Variants in MYO5C observed in about 807,000 individuals in gnomAD.
The protein encoded by MYO5C is myosin VC, also known as unconventional myosin-Vc.
Under a neutral mutation model 235.7 loss-of-function variants are expected in MYO5C, and 194 were observed. The ratio of observed to expected loss-of-function variants is 0.82; its 90% CI spans 0.73 to 0.93. The LOEUF (loss-of-function observed/expected upper bound fraction) is 0.93. Among genes scored for constraint, MYO5C ranks in the 40% least tolerant of loss-of-function variants. The pLI is 0.00. For missense variants in MYO5C, 2,038 were observed against 2,127.2 expected (o/e 0.96, Z 0.82); for synonymous variants, 707 against 754.8 (o/e 0.94, Z 1.04).
chr15:52,279,072 A>C (rs1449614955), intron 3 of MYO5C, 55 bp from the exon 4 acceptor site: 2 of 1,491,430 alleles, frequency 1.3e-6, no homozygotes, highest in African/African-American at 2.9e-5. Flanking sequence ...CTGCATCTCC[A>C]GTTTTTTTTT....
intron 4 of MYO5C, among the ~76,000 whole-genome samples, chr15:52,278,555 TA>T (rs1314691871): frequency 2.7e-5 from 4 of 150,556 alleles, no homozygotes; most frequent in African/African-American, 9.8e-5. Context: ...AAAAAAAGCT[TA>T]AACGTCTCAT....
chr15:52,222,608 G>C (rs1032729216), intron 29 of MYO5C, among the ~76,000 whole-genome samples: 6 of 151,050 alleles, frequency 4.0e-5, no homozygotes, highest in Admixed American at 6.6e-5. Context: ...GCCAGTGGTG[G>C]GGACACACGA....
chr15:52,210,970 T>A (rs1425489616), intron 35 of MYO5C, among the ~76,000 whole-genome samples: 3 of 152,242 alleles, frequency 2.0e-5, no homozygotes, highest in African/African-American at 7.2e-5. Context: ...AGTTGGTGAC[T>A]TCTGATATGT....
chr15:52,255,114 G>A (rs1161821229), intron 11 of MYO5C, among the ~76,000 whole-genome samples: 3 of 151,782 alleles, frequency 2.0e-5, no homozygotes, highest in Non-Finnish European at 4.4e-5. Flanking sequence ...CATAATAGTT[G>A]TACATAGTTT....
At chr15:52,196,842 T>C (rs1383622001) in intron 38 of MYO5C, among the ~76,000 whole-genome samples, 1 of 152,242 alleles carries the variant, frequency 6.6e-6, no homozygotes, top group Non-Finnish European at 1.5e-5. Flanking sequence ...TTTTCCTGAA[T>C]TGGCAGAAAT....
intron 40 of MYO5C, among the ~76,000 whole-genome samples, chr15:52,194,553 G>A (rs973136847): frequency 5.9e-5 from 9 of 151,746 alleles, no homozygotes; most frequent in African/African-American, 1.5e-4. Context: ...TGTGTATATC[G>A]GTATTTGCCA....
intron 38 of MYO5C, among the ~76,000 whole-genome samples, chr15:52,201,083 G>T (rs1250502956): frequency 2.6e-5 from 4 of 152,150 alleles, no homozygotes; most frequent in African/African-American, 9.6e-5. Flanking sequence ...GTTCACTGAA[G>T]TTCTGGAAAG....
In MYO5C at chr15:52,205,131, C is replaced by T. The variant is rs77554199; in HGVS notation, c.4554G>A (p.Glu1518=). ...CGGAAATGCCCTGCAGGCTCTCATACTCCAGCATTCCCGGAACTGCGGAGA... is the reference window on the plus strand; with the variant it reads ...CGGAAATGCCCTGCAGGCTCTCATATTCCAGCATTCCCGGAACTGCGGAGA... ...IQPIIVPGML[E]YESLQGISGL... is the part of the protein sequence containing the mutation. The change falls in exon 38 of 41, where the codon GAG becomes GAA. Residue 1518 remains glutamate (E), a synonymous_variant. Coordinates refer to ENST00000261839, the MANE Select transcript of MYO5C (RefSeq NM_018728.4). The T allele has an allele frequency of 6.5e-4, 1,054 of 1,613,916 alleles. 10 individuals carry two copies. In the African/African-American group the frequency reaches 0.013, roughly 20 times the overall value.
chr15:52,268,891 T>C (rs767502594), intron 8 of MYO5C, among the ~76,000 whole-genome samples: 1 of 152,250 alleles, frequency 6.6e-6, no homozygotes, highest in Non-Finnish European at 1.5e-5. Flanking sequence ...ATCAGTTGCC[T>C]AATGTTGGGT....
chr15:52,233,309 AAAAAAT>A (rs2036009403), intron 23 of MYO5C, among the ~76,000 whole-genome samples: 1 of 144,096 alleles, frequency 6.9e-6, no homozygotes, highest in African/African-American at 2.7e-5. Flanking sequence ...TAAAAAAAAA[AAAAAAT>A]AAATAAATAA....
rs781632478 is a variant in MYO5C at position 52,225,127 on chromosome 15, C to T, written c.3313G>A (p.Glu1105Lys). ...QKREMREKMSEITKQLLESYD... is the reference protein window; with the variant it reads ...QKREMREKMSKITKQLLESYD... The stretch of plus-strand genomic sequence containing the variant: ...CTTTCGAGAAGTTGTTTGGTGATCT[C>T]TGACATCTTTTCTGAAAGGGAAAGG... The change falls in exon 27 of 41, where the codon GAG becomes AAG. Residue 1105 changes from glutamate (E) to lysine (K), a missense_variant. Glu to Lys is a moderately conservative substitution (Grantham distance 56, BLOSUM62 1). Coordinates refer to ENST00000261839, the MANE Select transcript of MYO5C (RefSeq NM_018728.4). 6.2e-7 allele frequency: 1 copy of T among 1,614,048 alleles called. No homozygotes were observed. Among genetic ancestry groups the T allele is most frequent in the Non-Finnish European group, 8.5e-7 (1 of 1,180,002 alleles).
chr15:52,292,363 G>T (rs2037411997), intron 1 of MYO5C, among the ~76,000 whole-genome samples: 1 of 152,244 alleles, frequency 6.6e-6, no homozygotes, highest in African/African-American at 2.4e-5. Flanking sequence ...AAAGGCGGTT[G>T]AACCAAGGTG....
At chr15:52,260,155 C>T (rs1362927064) in intron 10 of MYO5C, among the ~76,000 whole-genome samples, 3 of 152,178 alleles carry the variant, frequency 2.0e-5, no homozygotes, top group African/African-American at 4.8e-5. Context: ...TGTTTCAGCA[C>T]GAGCTGAGCC....
chr15:52,206,306 G>T (rs569282774), intron 36 of MYO5C, among the ~76,000 whole-genome samples: 1 of 152,160 alleles, frequency 6.6e-6, no homozygotes, highest in South Asian at 2.1e-4. Context: ...CTATGAAGAG[G>T]TAAGTGGATA....
intron 13 of MYO5C, among the ~76,000 whole-genome samples, chr15:52,250,822 G>A (rs1229764160): frequency 6.6e-6 from 1 of 152,140 alleles, no homozygotes; most frequent in Non-Finnish European, 1.5e-5. Context: ...AGGGCAGGTG[G>A]TTATGGCAAT....
At chr15:52,255,854 G>C (rs1024290498) in intron 11 of MYO5C, among the ~76,000 whole-genome samples, 1 of 151,958 alleles carries the variant, frequency 6.6e-6, no homozygotes, top group African/African-American at 2.4e-5. Flanking sequence ...ACTCAAAAAC[G>C]TCTTTTGAAT....
At position 52,273,587 on chromosome 15, in the gene MYO5C, C is replaced by A. The variant is rs184440820; in HGVS notation, c.607-864G>T. ...GAGACCTCTCTTGCTCTCTTTCTGC[C>A]ATGTAAGGGTACCGTGAGAAGACAG... is the stretch of plus-strand genomic sequence containing the variant. On this transcript the variant is annotated intron_variant, in intron 5 of 40. Coordinates refer to ENST00000261839, the MANE Select transcript of MYO5C (RefSeq NM_018728.4). Among the ~76,000 whole-genome samples, 567 of 152,170 alleles carry A rather than the reference C, an allele frequency of 3.7e-3. 3 individuals carry two copies. The highest frequency in any genetic ancestry group is 5.9e-3 in the Non-Finnish European group (400 of 68,022).
chr15:52,250,228 T>C (rs1781347093), intron 13 of MYO5C, among the ~76,000 whole-genome samples: 1 of 127,844 alleles, frequency 7.8e-6, no homozygotes, highest in Non-Finnish European at 1.6e-5. Context: ...AACTTATCTT[T>C]TTTTTTTCTT....
At position 52,196,461 on chromosome 15, in the gene MYO5C, C is replaced by T; in HGVS notation, c.4843G>A (p.Glu1615Lys). The T allele has an allele frequency of 5.6e-6, 9 of 1,613,660 alleles. No homozygotes were observed. Among genetic ancestry groups the T allele is most frequent in the Non-Finnish European group, 7.6e-6 (9 of 1,179,832 alleles). Residue 1615 changes from glutamate (E) to lysine (K), a missense_variant, in exon 39 of 41, where the codon GAA becomes AAA. Transcript: ENST00000261839. ...QIRCNISYLE[E>K]WLKDKNLQNS... ...TGCAAGTTCTTATCTTTAAGCCATT[C>T]TTCTAAGTAGCTGATATTGCACCTG...
Sources: allele counts gnomAD v4.1 joint callset (sites outside exome capture counted in the v4.1 genomes callset), GRCh38; gene constraint gnomAD v4.1.1; transcripts MANE v1.5; gene names NCBI Gene and HGNC (gene_info 2026-07-23, HGNC 2026-07-21).